Variants in RSF1 observed in about 807,000 individuals in gnomAD.
RSF1 encodes HBV pX-associated protein 8.
In RSF1, 13 loss-of-function variants were observed where a neutral mutation model predicts 145.2. The observed-to-expected ratio is 0.09, with a 90% CI of 0.06 to 0.14. The LOEUF is 0.14. RSF1 is among the 10% of genes least tolerant of loss of function. The pLI, the probability that RSF1 is intolerant of heterozygous loss-of-function variation, is 1.00. For missense variants in RSF1, 1,517 were observed against 1,718.2 expected (o/e 0.88, Z 2.07); for synonymous variants, 577 against 592.6 (o/e 0.97, Z 0.38).
At chr11:77,794,511 T>C (rs1948552611) in intron 1 of RSF1, among the ~76,000 whole-genome samples, 2 of 151,684 alleles carry the variant, frequency 1.3e-5, no homozygotes, top group Admixed American at 1.3e-4. Context: ...AGTGAAACCC[T>C]GTCTATAAAT....
At chr11:77,798,209 G>A (rs189406957) in intron 1 of RSF1, among the ~76,000 whole-genome samples, 14 of 152,228 alleles carry the variant, frequency 9.2e-5, no homozygotes, top group Admixed American at 5.9e-4. Context: ...ACATGAACAC[G>A]TATGTTTACT....
chr11:77,737,991 T>C (rs900138301), intron 4 of RSF1, among the ~76,000 whole-genome samples: 1 of 152,086 alleles, frequency 6.6e-6, no homozygotes, highest in Non-Finnish European at 1.5e-5. Flanking sequence ...TAGCCAGGTA[T>C]GGTGGCGGGT....
chr11:77,796,551 C>T lies in RSF1; in HGVS notation c.187+23977G>A, dbSNP rs193135329. 2.0e-4 allele frequency among the ~76,000 whole-genome samples: 30 copies of T among 152,246 alleles called. No individual in the cohort carries two copies. In the South Asian group the frequency reaches 5.2e-3, roughly 26 times the overall value. On this transcript the variant is annotated intron_variant, in intron 1 of 15. Transcript: ENST00000308488. ...TTTATGACAAACCCACAGCCAGTATCGTACTGAACAGGCAAAAACTGGAAG... is the reference window on the plus strand; with the variant it reads ...TTTATGACAAACCCACAGCCAGTATTGTACTGAACAGGCAAAAACTGGAAG...
intron 5 of RSF1, among the ~76,000 whole-genome samples, chr11:77,711,143 T>TAAAAAAA (rs60863404): frequency 7.4e-6 from 1 of 134,526 alleles, no homozygotes. Flanking sequence ...ATTTTTAACT[T>TAAAAAAA]AAAAAAAAAA....
In RSF1 at chr11:77,820,518, C is replaced by T; in HGVS notation, c.187+10G>A. Reference sequence around the variant, plus strand: ...CCGCTTCCCGCCGGGCGTTCGGGCCCCTCGCTTACCTTCTCCGTTGCCGAC... The same window carrying T: ...CCGCTTCCCGCCGGGCGTTCGGGCCTCTCGCTTACCTTCTCCGTTGCCGAC... On this transcript the variant is annotated intron_variant, in intron 1 of 15. Coordinates refer to ENST00000308488, the MANE Select transcript of RSF1 (RefSeq NM_016578.4). The T allele has an allele frequency of 5.2e-6, 8 of 1,547,258 alleles. No individual in the cohort carries two copies. Among genetic ancestry groups the T allele is most frequent in the Non-Finnish European group, 6.1e-6 (7 of 1,146,374 alleles).
chr11:77,746,738 CCA>C (rs1241952591), intron 3 of RSF1, among the ~76,000 whole-genome samples: 2 of 152,214 alleles, frequency 1.3e-5, no homozygotes, highest in African/African-American at 4.8e-5. Context: ...AAAAAATTAT[CCA>C]CAGTTTACAG....
intron 1 of RSF1, among the ~76,000 whole-genome samples, chr11:77,767,104 A>G (rs919119525): frequency 1.7e-4 from 26 of 152,146 alleles, no homozygotes; most frequent in African/African-American, 6.3e-4. Flanking sequence ...ATGAAGCTCA[A>G]TTTCTCCATT....
chr11:77,831,375 GA>G, the RSF1 span, among the ~76,000 whole-genome samples: 1 of 152,100 alleles, frequency 6.6e-6, no homozygotes, highest in Non-Finnish European at 1.5e-5. Flanking sequence ...ATATGTCCAT[GA>G]AAAAATTTTT....
chr11:77,740,888 T>C lies in RSF1; in HGVS notation c.421A>G (p.Ile141Val), dbSNP rs1404787043. 1.2e-6 allele frequency: 2 copies of C among 1,614,150 alleles called. No individual in the cohort carries two copies. Among genetic ancestry groups the C allele is most frequent in the Non-Finnish European group, 1.7e-6 (2 of 1,180,004 alleles). ...ATAGTATCGGCATCCTCCTCATTAA[T>C]AATATTCTTGAATTTGAGATTGTCA... ...FDDNLKFKNI[I>V]NEEDADTMRL... The change falls in exon 4 of 16, where the codon ATT (isoleucine) becomes GTT (valine). Residue 141 changes from isoleucine to valine, a missense_variant. By Grantham distance (29) the Ile-to-Val change is conservative (BLOSUM62 3). Transcript: ENST00000308488.
At chr11:77,859,773 G>A in the RSF1 span, among the ~76,000 whole-genome samples, 1 of 152,218 alleles carries the variant, frequency 6.6e-6, no homozygotes, top group Non-Finnish European at 1.5e-5. Flanking sequence ...TGACAGTTAT[G>A]TTCTATCTTT....
At chr11:77,854,942 C>T in the RSF1 span, among the ~76,000 whole-genome samples, 1 of 152,190 alleles carries the variant, frequency 6.6e-6, no homozygotes, top group South Asian at 2.1e-4. Flanking sequence ...GCAGAGGCTC[C>T]CAAGCCTCAA....
chr11:77,852,481 G>A, the RSF1 span, among the ~76,000 whole-genome samples: 2 of 151,876 alleles, frequency 1.3e-5, no homozygotes, highest in Non-Finnish European at 2.9e-5. Flanking sequence ...ACTATCACCA[G>A]AACAGCAAGA....
intron 4 of RSF1, among the ~76,000 whole-genome samples, chr11:77,736,670 G>A (rs554199145): frequency 1.3e-5 from 2 of 152,286 alleles, no homozygotes; most frequent in South Asian, 4.1e-4. Flanking sequence ...GGAATGTCAT[G>A]TCATAGAACA....
chr11:77,732,161 C>T (rs74382946), intron 4 of RSF1, among the ~76,000 whole-genome samples: 3 of 152,204 alleles, frequency 2.0e-5, no homozygotes, highest in Non-Finnish European at 2.9e-5. Flanking sequence ...AGATGTGAGA[C>T]AGTCAAAAGA....
chr11:77,803,971 C>A (rs1240452309), intron 1 of RSF1, among the ~76,000 whole-genome samples: 4 of 152,178 alleles, frequency 2.6e-5, no homozygotes, highest in Non-Finnish European at 5.9e-5. Flanking sequence ...GTCCCCCCTA[C>A]TTGGCAGGAG....
intron 5 of RSF1, among the ~76,000 whole-genome samples, chr11:77,710,951 A>G (rs1960666299): frequency 6.6e-6 from 1 of 152,094 alleles, no homozygotes; most frequent in Admixed American, 6.6e-5. Context: ...CATGCTGCAG[A>G]ACTGAAATCA....
At chr11:77,688,411 A>C (rs1238944456) in intron 9 of RSF1, among the ~76,000 whole-genome samples, 1 of 152,222 alleles carries the variant, frequency 6.6e-6, no homozygotes, top group Non-Finnish European at 1.5e-5. Flanking sequence ...TGAAAAGGAT[A>C]AACAGATTTG....
intron 1 of RSF1, among the ~76,000 whole-genome samples, chr11:77,820,251 C>A (rs1047667000): frequency 6.6e-6 from 1 of 152,280 alleles, no homozygotes; most frequent in East Asian, 1.9e-4. Context: ...CCGACCGGCA[C>A]AATGACCCCT....
intron 1 of RSF1, among the ~76,000 whole-genome samples, chr11:77,810,342 C>T (rs1948718371): frequency 6.6e-6 from 1 of 152,144 alleles, no homozygotes; most frequent in South Asian, 2.1e-4. Flanking sequence ...GCAGAGGTAG[C>T]CATGGCTACT....
Sources: allele counts gnomAD v4.1 joint callset (sites outside exome capture counted in the v4.1 genomes callset), GRCh38; gene constraint gnomAD v4.1.1; transcripts MANE v1.5; gene names NCBI Gene and HGNC (gene_info 2026-07-23, HGNC 2026-07-21).